SPINK5: variants seen among roughly 807,000 people sequenced by gnomAD.
SPINK5 encodes serine peptidase inhibitor Kazal type 5.
In SPINK5, 125 loss-of-function variants were observed where a neutral mutation model predicts 151.8. The observed-to-expected ratio is 0.82, with a 90% confidence interval of 0.71 to 0.96. SPINK5 has a LOEUF of 0.96. SPINK5 is among the 40% of genes least tolerant of loss of function. The pLI, the probability that SPINK5 is intolerant of heterozygous loss-of-function variation, is 0.00. For missense variants in SPINK5, 1,194 were observed against 1,291.9 expected, an observed-to-expected ratio of 0.92 and a Z score of 1.16; for synonymous variants, 374 against 395.3, an observed-to-expected ratio of 0.95 and a Z score of 0.64.
At chr5:148,095,319 C>T (rs1407844240) in intron 9 of SPINK5, among the ~76,000 whole-genome samples, 4 of 151,886 alleles carry the variant, frequency 2.6e-5, no homozygotes, top group African/African-American at 9.7e-5. Context: ...CTCCTGCATG[C>T]CCAGGGCCCA....
chr5:148,105,902 G>A (rs1329944614), intron 16 of SPINK5, among the ~76,000 whole-genome samples: 1 of 151,724 alleles, frequency 6.6e-6, no homozygotes, highest in Non-Finnish European at 1.5e-5. Context: ...GGGATTACAG[G>A]TGTGAGCCAC....
intron 32 of SPINK5, 138 bp from the exon 33 acceptor site, chr5:148,136,845 G>A (rs1299017540): frequency 8.8e-7 from 1 of 1,137,930 alleles, no homozygotes; most frequent in African/African-American, 1.5e-5. Context: ...AAATGTGAAA[G>A]TGATTTTAAA....
chr5:148,124,480 T>G (rs1202825663), intron 27 of SPINK5, among the ~76,000 whole-genome samples: 6 of 152,172 alleles, frequency 3.9e-5, no homozygotes, highest in African/African-American at 1.4e-4. Context: ...GTCTTAAGTC[T>G]ATTATATTAA....
intron 22 of SPINK5, among the ~76,000 whole-genome samples, chr5:148,116,817 AG>A (rs1345038527): frequency 1.3e-5 from 2 of 152,140 alleles, no homozygotes; most frequent in East Asian, 3.9e-4. Flanking sequence ...CACTTTTTTT[AG>A]GTGTCTTTTC....
At chr5:148,118,713 A>G (rs1471129028) in intron 23 of SPINK5, 149 bp downstream of exon 23, 1 of 1,194,894 alleles carries the variant, frequency 8.4e-7, no homozygotes, top group Non-Finnish European at 1.2e-6. Context: ...GCGTTCTCTA[A>G]GGAACAATGA....
intron 32 of SPINK5, among the ~76,000 whole-genome samples, chr5:148,135,354 C>T (rs1754672442): frequency 6.6e-6 from 1 of 152,166 alleles, no homozygotes; most frequent in Admixed American, 6.5e-5. Context: ...CCACACTTCC[C>T]TGTAACTCTC....
At chr5:148,112,021 T>C (rs1753947644) in intron 19 of SPINK5, 126 bp downstream of exon 19, 7 of 1,433,396 alleles carry the variant, frequency 4.9e-6, no homozygotes, top group Non-Finnish European at 6.8e-6. Context: ...GCACTGAGTT[T>C]GGAAATTTAC....
At position 148,131,481 on chromosome 5, in the gene SPINK5, AT is replaced by A. The variant is rs988535880; in HGVS notation, c.3095+93del. ...AGTAATGCACTGATATAAATTCGAA[AT>A]GTGTTGCAAGTAATTTATTCATCAT... On this transcript the variant is annotated intron_variant, in intron 31 of 32. Coordinates refer to ENST00000256084, the MANE Select transcript of SPINK5 (RefSeq NM_006846.4). 4.5e-6 allele frequency: 7 copies of A among 1,551,438 alleles called. No individual in the cohort carries two copies. In the African/African-American group the frequency reaches 8.1e-5, roughly 18 times the overall value.
chr5:148,119,171 G>A, intron 24 of SPINK5, 113 bp downstream of exon 24: 1 of 1,023,086 alleles, frequency 9.8e-7, no homozygotes, highest in Non-Finnish European at 1.5e-6. Context: ...GCCCTTAGAA[G>A]GTCAGGAGTT....
intron 8 of SPINK5, among the ~76,000 whole-genome samples, chr5:148,092,997 T>G (rs1266639126): frequency 6.6e-6 from 1 of 151,946 alleles, no homozygotes; most frequent in Non-Finnish European, 1.5e-5. Flanking sequence ...GAAGGGACTT[T>G]GCTGTGGTCT....
intron 2 of SPINK5, among the ~76,000 whole-genome samples, chr5:148,066,195 C>T (rs76984184): frequency 0.013 from 2,029 of 152,164 alleles, 36 homozygotes; most frequent in African/African-American, 0.047. Flanking sequence ...CAAGAAGGTG[C>T]TTTACCAACT....
At chr5:148,103,004 C>A (rs1016781170) in intron 15 of SPINK5, among the ~76,000 whole-genome samples, 32 of 151,942 alleles carry the variant, frequency 2.1e-4, no homozygotes, top group Admixed American at 6.6e-5. Context: ...TAAAAAAACC[C>A]CCATTTTATT....
rs1389567758 is a variant in SPINK5, at chr5:148,101,545, TTGTGTTTTCATA to T, written c.1302+121_1302+132del. 9.2e-6 allele frequency: 10 copies of T among 1,088,516 alleles called. 2 individuals are homozygous for T. Among genetic ancestry groups the T allele is most frequent in the Middle Eastern group, 3.9e-4 (2 of 5,080 alleles). 67.4% of individuals were successfully genotyped at this position (1,088,516 alleles called of 1,614,324 possible). ...AAACTGTATGAAACAATTGTACAGT[TTGTGTTTTCATA>T]TGTGTTTTCATGTGTGCAGTTATAC... is the stretch of plus-strand genomic sequence containing the variant. On this transcript the variant is annotated intron_variant, in intron 14 of 32. Transcript: ENST00000256084.
intron 22 of SPINK5, among the ~76,000 whole-genome samples, chr5:148,118,079 A>G (rs922030196): frequency 1.3e-5 from 2 of 151,986 alleles, no homozygotes; most frequent in Non-Finnish European, 1.5e-5. Flanking sequence ...AGTGCAATGG[A>G]GCAATCTTGG....
At chr5:148,115,627 G>A (rs1187554023) in intron 21 of SPINK5, among the ~76,000 whole-genome samples, 1 of 152,032 alleles carries the variant, frequency 6.6e-6, no homozygotes, top group Non-Finnish European at 1.5e-5. Context: ...GCAAGCTGAA[G>A]GACAGTAAGC....
At chr5:148,127,520 G>T (rs918071094) in intron 30 of SPINK5, among the ~76,000 whole-genome samples, 2 of 151,892 alleles carry the variant, frequency 1.3e-5, no homozygotes, top group African/African-American at 4.8e-5. Context: ...ATAAATTTCC[G>T]CCAATTAGCA....
chr5:148,099,112 G>C, intron 11 of SPINK5, 122 bp from the exon 12 acceptor site: 4 of 828,170 alleles, frequency 4.8e-6, no homozygotes, highest in Non-Finnish European at 6.0e-6. Context: ...TTGATATGCA[G>C]TGATAAAGGG....
intron 2 of SPINK5, among the ~76,000 whole-genome samples, chr5:148,068,627 G>C (rs915164692): frequency 7.6e-5 from 11 of 144,960 alleles, no homozygotes; most frequent in Non-Finnish European, 1.7e-4. Context: ...ACCAGATATA[G>C]ATATAGGAGC....
At chr5:148,084,767 C>A (rs189652616) in intron 4 of SPINK5, among the ~76,000 whole-genome samples, 1 of 151,896 alleles carries the variant, frequency 6.6e-6, no homozygotes, top group Admixed American at 6.6e-5. Context: ...TAGTTTCCAC[C>A]ACAAATCCTT....
Sources: gnomAD v4.1 joint callset for allele counts (sites outside exome capture counted in the v4.1 genomes callset) on GRCh38, gnomAD v4.1.1 for gene constraint, MANE v1.5 for transcripts, NCBI Gene and HGNC (gene_info 2026-07-23, HGNC 2026-07-21) for gene names.